Variants in UMAD1 observed in about 807,000 individuals in gnomAD.
UMAD1 encodes the protein UBAP1-MVB12-associated (UMA)-domain containing protein 1.
Under a neutral mutation model 6.1 loss-of-function variants are expected in UMAD1, and 8 were observed. That is an observed-to-expected ratio of 1.30 (90% CI 0.76 to 2.35). UMAD1 has a LOEUF of 2.35. UMAD1 is among the 30% of genes most tolerant of loss of function. UMAD1 has a pLI of 0.00. For missense variants in UMAD1, 130 were observed against 78.4 expected (o/e 1.66, Z -2.49); for synonymous variants, 56 against 31.4 (o/e 1.78, Z -2.61).
intron 2 of UMAD1, among the ~76,000 whole-genome samples, chr7:7,782,476 C>A (rs1782365795): frequency 1.3e-5 from 2 of 152,098 alleles, no homozygotes; most frequent in African/African-American, 4.8e-5. Flanking sequence ...CGTGTGTCTA[C>A]ATGCTATTGC....
chr7:7,865,847 G>A (rs1784215507), intron 3 of UMAD1, among the ~76,000 whole-genome samples: 1 of 152,194 alleles, frequency 6.6e-6, no homozygotes, highest in Admixed American at 6.5e-5. Flanking sequence ...GAGTAGATGA[G>A]GCTAGCTCAG....
chr7:7,676,468 A>G (rs866522944), intron 2 of UMAD1, among the ~76,000 whole-genome samples: 2 of 152,160 alleles, frequency 1.3e-5, no homozygotes, highest in African/African-American at 4.8e-5. Flanking sequence ...AAACCACTGA[A>G]CTATCCATCT....
intron 3 of UMAD1, among the ~76,000 whole-genome samples, chr7:7,854,022 G>A (rs1327889191): frequency 5.3e-5 from 8 of 152,148 alleles, no homozygotes; most frequent in Middle Eastern, 3.4e-3. Flanking sequence ...CCGTTCTCAC[G>A]TTGCCATAAG....
chr7:7,670,389 A>C (rs1467334821), intron 1 of UMAD1, among the ~76,000 whole-genome samples: 1 of 152,176 alleles, frequency 6.6e-6, no homozygotes, highest in Non-Finnish European at 1.5e-5. Flanking sequence ...CTCTAATGGC[A>C]TGTGGCACAG....
chr7:7,686,602 A>C (rs1200171113), intron 2 of UMAD1, among the ~76,000 whole-genome samples: 1 of 152,198 alleles, frequency 6.6e-6, no homozygotes, highest in African/African-American at 2.4e-5. Context: ...GAGAAACCAC[A>C]ACAACAAATT....
intron 2 of UMAD1, among the ~76,000 whole-genome samples, chr7:7,743,351 G>A (rs2024373): frequency 0.5 from 76,666 of 151,986 alleles, 19,800 homozygotes; most frequent in Middle Eastern, 0.59. Flanking sequence ...TCCTCACAAC[G>A]TGAAATAGCA....
chr7:7,709,818 A>G (rs1209190650), intron 2 of UMAD1, among the ~76,000 whole-genome samples: 4 of 152,130 alleles, frequency 2.6e-5, no homozygotes, highest in Non-Finnish European at 5.9e-5. Flanking sequence ...ATTCAGAATG[A>G]CAATGTGATG....
intron 2 of UMAD1, among the ~76,000 whole-genome samples, chr7:7,791,322 T>G (rs966981721): frequency 3.3e-5 from 5 of 152,234 alleles, no homozygotes; most frequent in African/African-American, 1.2e-4. Flanking sequence ...AGAACAGCCC[T>G]TTGTAGAGCT....
At chr7:7,688,362 A>G (rs1780088240) in intron 2 of UMAD1, among the ~76,000 whole-genome samples, 1 of 152,110 alleles carries the variant, frequency 6.6e-6, no homozygotes, top group South Asian at 2.1e-4. Flanking sequence ...GTAGAATGTG[A>G]GAACCTTTTT....
At chr7:7,868,222 T>G (rs761987672) in intron 3 of UMAD1, 7 of 152,140 alleles carry the variant, frequency 4.6e-5, no homozygotes, top group Non-Finnish European at 1.0e-4. Context: ...GCCTTTTGTG[T>G]TTTCAAAACC....
intron 2 of UMAD1, among the ~76,000 whole-genome samples, chr7:7,725,756 A>T (rs1008471944): frequency 3.9e-5 from 6 of 152,198 alleles, no homozygotes; most frequent in African/African-American, 1.4e-4. Context: ...TCAAATGCCC[A>T]TGGTCTCCAC....
chr7:7,757,209 A>G (rs1781795694), intron 2 of UMAD1, among the ~76,000 whole-genome samples: 1 of 152,048 alleles, frequency 6.6e-6, no homozygotes, highest in Admixed American at 6.5e-5. Context: ...AGATGTTGAG[A>G]CTCTTCAACT....
At chr7:7,791,843 G>A (rs767071669) in intron 2 of UMAD1, among the ~76,000 whole-genome samples, 3 of 152,262 alleles carry the variant, frequency 2.0e-5, no homozygotes, top group African/African-American at 7.2e-5. Context: ...TGTATGATTC[G>A]AACAGCAATC....
intron 3 of UMAD1, among the ~76,000 whole-genome samples, chr7:7,844,330 G>A (rs566749124): frequency 6.0e-4 from 91 of 152,096 alleles, no homozygotes; most frequent in Admixed American, 2.2e-3. Context: ...CCTCTTTGCC[G>A]CAGACTTACC....
In UMAD1 at chr7:7,741,614, T is replaced by A. The variant is rs571096584; in HGVS notation, c.83-60056T>A. On this transcript the variant is annotated intron_variant, in intron 2 of 3. Transcript: ENST00000682710. The stretch of plus-strand genomic sequence containing the variant: ...ATAATAATAATAATAATAATAATAA[T>A]AAAAATAATAAAAAAACACTGTAAT... 2.0e-3 allele frequency among the ~76,000 whole-genome samples: 292 copies of A among 147,126 alleles called. 2 individuals are homozygous for A. The highest frequency in any genetic ancestry group is 9.0e-3 in the Admixed American group (132 of 14,720).
intron 2 of UMAD1, among the ~76,000 whole-genome samples, chr7:7,757,100 G>A (rs1781793697): frequency 6.6e-6 from 1 of 152,216 alleles, no homozygotes; most frequent in African/African-American, 2.4e-5. Flanking sequence ...TGATGTAAAT[G>A]TGTTAGTTGT....
At chr7:7,742,578 A>G in intron 2 of UMAD1, 1 of 511,714 alleles carries the variant, frequency 2.0e-6, no homozygotes, top group Non-Finnish European at 3.9e-6. Context: ...GAAAAGGGTC[A>G]GGACAATTTC....
At chr7:7,677,038 A>G (rs1779758465) in intron 2 of UMAD1, among the ~76,000 whole-genome samples, 1 of 152,032 alleles carries the variant, frequency 6.6e-6, no homozygotes, top group Non-Finnish European at 1.5e-5. Flanking sequence ...GTAAATAGAA[A>G]ATGCTTTTAA....
At chr7:7,714,663 C>A (rs1168326044) in intron 2 of UMAD1, among the ~76,000 whole-genome samples, 1 of 151,948 alleles carries the variant, frequency 6.6e-6, no homozygotes, top group African/African-American at 2.4e-5. Context: ...GTTGGACTTA[C>A]ATAAGAAAGA....
Sources: allele counts gnomAD v4.1 joint callset (sites outside exome capture counted in the v4.1 genomes callset), GRCh38; gene constraint gnomAD v4.1.1; transcripts MANE v1.5; gene names NCBI Gene and HGNC (gene_info 2026-07-23, HGNC 2026-07-21).